The following PTCHD1 variants were observed in gnomAD, a reference collection of about 807,000 sequenced individuals.
PTCHD1 encodes the protein patched domain containing 1.
Under a neutral mutation model 34.6 loss-of-function variants are expected in PTCHD1, and 3 were observed. The ratio of observed to expected loss-of-function variants is 0.09; its 90% CI spans 0.04 to 0.22. PTCHD1 has a LOEUF of 0.22. Ranked by LOEUF, PTCHD1 falls within the 10% of genes least tolerant of loss-of-function variation. PTCHD1 has a pLI of 1.00. For synonymous variants in PTCHD1, 305 were observed against 283.1 expected (o/e 1.08, Z -0.77); for missense variants, 504 against 685.5 (o/e 0.74, Z 2.96).
chrX:23,380,498 C>G (rs1212512925), intron 2 of PTCHD1, among the ~76,000 whole-genome samples: 1 of 111,531 alleles, frequency 9.0e-6, no homozygotes, highest in Non-Finnish European at 1.9e-5. Flanking sequence ...CATGTGGTGT[C>G]TAGCAGGTAT....
Position 23,393,529 on chromosome X carries a change from C to T in PTCHD1, c.2011C>T (p.Leu671Phe). The change falls in exon 3 of 3, where the codon CTT becomes TTT. Residue 671 changes from leucine to phenylalanine, a missense_variant. Transcript: ENST00000379361. ...LYDLLETLRR[L>F]SVTSKVKFIV... is the part of the protein sequence containing the mutation. Reference sequence around the variant, plus strand: ...TGATCTCTTGGAAACCCTGAGGAGACTTTCTGTCACCTCCAAGGTGAAGTT... The same window carrying T: ...TGATCTCTTGGAAACCCTGAGGAGATTTTCTGTCACCTCCAAGGTGAAGTT... 8.3e-7 allele frequency: 1 copy of T among 1,211,597 alleles called. No homozygotes were observed.
In PTCHD1 at chrX:23,380,108, A is replaced by G. The variant is rs752986181; in HGVS notation, c.869A>G (p.Gln290Arg). The G allele has an allele frequency of 5.0e-6, 6 of 1,212,017 alleles. No individual in the cohort carries two copies. In the South Asian group the frequency reaches 8.8e-5, roughly 18 times the overall value. The change falls in exon 2 of 3, where the codon CAG (glutamine) becomes CGG (arginine). Residue 290 changes from glutamine (Q) to arginine (R), a missense_variant. Coordinates refer to ENST00000379361, the MANE Select transcript of PTCHD1 (RefSeq NM_173495.3). ...ATGGCCATCCTGTGTTGCTCTATGC[A>G]GGACTGCGTCCGCAGCAAACCCTGG... ...VTMAILCCSMQDCVRSKPWLG... is the reference protein window; with the variant it reads ...VTMAILCCSMRDCVRSKPWLG...
At position 23,395,015 on chromosome X, in the gene PTCHD1, G is replaced by T. The variant is rs1601919041; in HGVS notation, c.*830G>T. ...AAATGGGTCTGCTTTATTAGTTACAGCTCTTGGCAGGAGGATCCAGGGACC... is the reference window on the plus strand; with the variant it reads ...AAATGGGTCTGCTTTATTAGTTACATCTCTTGGCAGGAGGATCCAGGGACC... On this transcript the variant is annotated 3_prime_UTR_variant, in exon 3 of 3. Transcript: ENST00000379361. 8.9e-6 allele frequency: 1 copy of T among 112,044 alleles called. No individual in the cohort carries two copies. Among genetic ancestry groups the T allele is most frequent in the East Asian group, 2.8e-4 (1 of 3,590 alleles). 9.2% of individuals were successfully genotyped at this position (112,044 alleles called of 1,213,427 possible). A position where few individuals can be genotyped will look rare whatever the true frequency, so the allele number is the denominator to read the frequency against.
chrX:23,347,739 C>T (rs1921514532), intron 1 of PTCHD1, among the ~76,000 whole-genome samples: 1 of 112,058 alleles, frequency 8.9e-6, no homozygotes, highest in African/African-American at 3.2e-5. Context: ...GGCGAGGTGG[C>T]TCATGCCTAT....
chrX:23,381,553 C>G (rs944854969), intron 2 of PTCHD1, among the ~76,000 whole-genome samples: 1 of 112,110 alleles, frequency 8.9e-6, no homozygotes, highest in South Asian at 3.8e-4. Flanking sequence ...CTCAGGAAAT[C>G]TCCGCTGTGT....
chrX:23,401,593 A>G lies in PTCHD1; in HGVS notation c.*7408A>G, dbSNP rs1465731466. 2.7e-5 allele frequency: 3 copies of G among 112,943 alleles called. No individual in the cohort carries two copies. The highest frequency in any genetic ancestry group is 9.7e-5 in the African/African-American group (3 of 31,081). The allele number at this position is 112,943 out of a possible 1,213,427, so 9.3% of individuals were successfully genotyped here. A position where few individuals can be genotyped will look rare whatever the true frequency, so the allele number is the denominator to read the frequency against. ...AACATAGAAACATATACCTGTACAT[A>G]TGCACATGCTTACATACACACATAT... is the stretch of plus-strand genomic sequence containing the variant. On this transcript the variant is annotated 3_prime_UTR_variant, in exon 3 of 3. Coordinates refer to ENST00000379361, the MANE Select transcript of PTCHD1 (RefSeq NM_173495.3).
At chrX:23,354,298 T>A (rs1386653721) in intron 1 of PTCHD1, among the ~76,000 whole-genome samples, 2 of 109,904 alleles carry the variant, frequency 1.8e-5, no homozygotes, top group African/African-American at 6.6e-5. Flanking sequence ...TCACAAAACT[T>A]TGAGTTAACG....
intron 1 of PTCHD1, among the ~76,000 whole-genome samples, chrX:23,341,861 A>T (rs1465906793): frequency 8.9e-6 from 1 of 112,184 alleles, no homozygotes; most frequent in Non-Finnish European, 1.9e-5. Flanking sequence ...CTCTCTAAGA[A>T]ATCCTCTTGA....
At chrX:23,355,646 G>C (rs1921783855) in intron 1 of PTCHD1, among the ~76,000 whole-genome samples, 1 of 112,569 alleles carries the variant, frequency 8.9e-6, no homozygotes, top group African/African-American at 3.2e-5. Context: ...TATGAGCTAT[G>C]TTATTTACAA....
chrX:23,392,064 T>G (rs1389349679), intron 2 of PTCHD1, among the ~76,000 whole-genome samples: 1 of 76,189 alleles, frequency 1.3e-5, no homozygotes, highest in African/African-American at 7.2e-5. Context: ...TCTTTTTTCT[T>G]TCTTTCTTTC....
intron 1 of PTCHD1, among the ~76,000 whole-genome samples, chrX:23,348,997 G>C (rs1476172266): frequency 8.9e-6 from 1 of 111,903 alleles, no homozygotes; most frequent in Non-Finnish European, 1.9e-5. Context: ...ATGAATGGCA[G>C]CCATGTCACA....
At chrX:23,350,060 TAAAAAAAAAAAA>T (rs57194123) in intron 1 of PTCHD1, among the ~76,000 whole-genome samples, 6 of 40,413 alleles carry the variant, frequency 1.5e-4, no homozygotes, top group East Asian at 7.3e-4. Flanking sequence ...TTAGTGCTGT[TAAAAAAAAAAAA>T]AAAAAAAAAA....
intron 2 of PTCHD1, among the ~76,000 whole-genome samples, chrX:23,388,376 G>T (rs1303258046): frequency 1.8e-5 from 2 of 112,466 alleles, no homozygotes; most frequent in Non-Finnish European, 3.8e-5. Context: ...AGAGTGCAAA[G>T]CAAACAGCAG....
chrX:23,351,943 G>T (rs1921647287), intron 1 of PTCHD1, among the ~76,000 whole-genome samples: 1 of 111,855 alleles, frequency 8.9e-6, no homozygotes, highest in Admixed American at 9.5e-5. Flanking sequence ...AAGGACATGG[G>T]GTTAATGAAG....
rs142222769 is a variant in PTCHD1 at position 23,372,745 on chromosome X, C to T, written c.352-6846C>T. 1.4e-3 allele frequency among the ~76,000 whole-genome samples: 152 copies of T among 112,146 alleles called. 1 individual carries two copies. The highest frequency in any genetic ancestry group is 4.7e-3 in the African/African-American group (144 of 30,906). ...CATTTGTCCAGCCAATCAGCTTTAACATTCTCCTGTTTCTGTGAGCATCGG... is the reference window on the plus strand; with the variant it reads ...CATTTGTCCAGCCAATCAGCTTTAATATTCTCCTGTTTCTGTGAGCATCGG... On this transcript the variant is annotated intron_variant, in intron 1 of 2. Transcript: ENST00000379361.
Position 23,335,244 on chromosome X carries a change from C to G in PTCHD1, c.351+18C>G, listed in dbSNP as rs1379741792. On this transcript the variant is annotated intron_variant, in intron 1 of 2. Coordinates refer to ENST00000379361, the MANE Select transcript of PTCHD1 (RefSeq NM_173495.3). ...TCTTAAAGGTGAGAGGGGACGGGTG[C>G]GGGCAGACTCCGCCAGCGCCGCGGC... 7.7e-6 allele frequency: 9 copies of G among 1,163,468 alleles called. No homozygotes were observed. Among genetic ancestry groups the G allele is most frequent in the Non-Finnish European group, 1.1e-5 (9 of 853,060 alleles).
chrX:23,383,549 G>C (rs1234289053), intron 2 of PTCHD1, among the ~76,000 whole-genome samples: 4 of 111,752 alleles, frequency 3.6e-5, no homozygotes, highest in African/African-American at 1.3e-4. Context: ...TGTGTTTCTA[G>C]CCAAGATGAT....
chrX:23,384,388 A>G (rs771497197), intron 2 of PTCHD1, among the ~76,000 whole-genome samples: 37 of 111,941 alleles, frequency 3.3e-4, no homozygotes, highest in Admixed American at 2.8e-3. Context: ...CAACCAGGCC[A>G]CTCAGATTCA....
intron 2 of PTCHD1, among the ~76,000 whole-genome samples, chrX:23,382,810 T>C (rs1280884642): frequency 8.9e-6 from 1 of 112,405 alleles, no homozygotes; most frequent in Non-Finnish European, 1.9e-5. Context: ...AGTCATAACA[T>C]GAAAGGAAGC....
Sources: allele counts gnomAD v4.1 joint callset (sites outside exome capture counted in the v4.1 genomes callset), GRCh38; gene constraint gnomAD v4.1.1; transcripts MANE v1.5; gene names NCBI Gene and HGNC (gene_info 2026-07-23, HGNC 2026-07-21).